CDK14: variants seen among roughly 807,000 people sequenced by gnomAD.
CDK14 encodes cyclin dependent kinase 14.
Under a neutral mutation model 60.7 loss-of-function variants are expected in CDK14, and 34 were observed. The observed-to-expected ratio is 0.56, with a 90% CI of 0.43 to 0.75. CDK14 has a LOEUF of 0.75. CDK14 is among the 30% of genes least tolerant of loss of function. The pLI, the probability that CDK14 is intolerant of heterozygous loss-of-function variation, is 0.00. For missense variants in CDK14, 482 were observed against 564.1 expected (o/e 0.85, Z 1.47); for synonymous variants, 197 against 203.7 (o/e 0.97, Z 0.28).
chr7:91,023,669 T>G (rs1462471119), intron 10 of CDK14, among the ~76,000 whole-genome samples: 1 of 152,220 alleles, frequency 6.6e-6, no homozygotes, highest in East Asian at 1.9e-4. Context: ...AGCATTTTTA[T>G]GCATTATTTC....
intron 2 of CDK14, chr7:90,710,409 A>G (rs1802017518): frequency 3.0e-6 from 3 of 985,258 alleles, no homozygotes; most frequent in Non-Finnish European, 3.6e-6. Flanking sequence ...CATTTGAGTA[A>G]ACTGATGTCC....
intron 14 of CDK14, among the ~76,000 whole-genome samples, chr7:91,174,824 C>T (rs1469390086): frequency 1.4e-5 from 1 of 71,058 alleles, no homozygotes; most frequent in Non-Finnish European, 2.5e-5. Context: ...ACCAAATCTA[C>T]GTCTGATTGG....
chr7:90,772,659 G>A (rs559681450), intron 4 of CDK14, among the ~76,000 whole-genome samples: 3 of 152,148 alleles, frequency 2.0e-5, no homozygotes, highest in Non-Finnish European at 1.5e-5. Flanking sequence ...ATGATTGTAA[G>A]TTTCTTGAGG....
Position 91,100,905 on chromosome 7 carries a change from C to T in CDK14, c.1155-11637C>T, listed in dbSNP as rs553757932. Among the ~76,000 whole-genome samples, 83 of 152,310 alleles carry T rather than the reference C, an allele frequency of 5.4e-4. 1 individual carries two copies. In the South Asian group the frequency reaches 0.015, roughly 27 times the overall value. On this transcript the variant is annotated intron_variant, in intron 12 of 14. Transcript: ENST00000380050. ...AGATCCTGCTGAGGGCTCTTCAACA[C>T]TTTCTGTACTTTTCCATCAGGTAGA...
chr7:91,028,851 T>A (rs1796678393), intron 10 of CDK14, among the ~76,000 whole-genome samples: 1 of 152,186 alleles, frequency 6.6e-6, no homozygotes, highest in Non-Finnish European at 1.5e-5. Flanking sequence ...ATTAGTCCTT[T>A]GTTGGATGTA....
rs1363182908 is a variant in CDK14 at position 90,596,541 on chromosome 7, C to CGCT, written c.-86_-84dup. 1 of 1,150,196 alleles carries CGCT rather than the reference C, an allele frequency of 8.7e-7. No individual in the cohort carries two copies. The highest frequency in any genetic ancestry group is 1.5e-5 in the African/African-American group (1 of 64,926). 71.2% of individuals were successfully genotyped at this position (1,150,196 alleles called of 1,614,324 possible). ...GAGGAGGTGGTGGAGGAGGAGGCGC[C>CGCT]GCTTTCCCCGCGGCGCGCGCCCTCG... On this transcript the variant is annotated 5_prime_UTR_variant, in exon 1 of 15. Coordinates refer to ENST00000380050, the MANE Select transcript of CDK14 (RefSeq NM_001287135.2).
rs1265205428 is a variant in CDK14 at position 90,929,051 on chromosome 7, G to A, written c.826+11327G>A. On this transcript the variant is annotated intron_variant, in intron 8 of 14. Transcript: ENST00000380050. ...GCAGGATGTAATCTCCTGGTGTGCC[G>A]TTTGCTAATTCCATTGGAACAGCAC... is the stretch of plus-strand genomic sequence containing the variant. Among the ~76,000 whole-genome samples the A allele has an allele frequency of 5.9e-5, 9 of 152,206 alleles. No individual in the cohort carries two copies. In the East Asian group the frequency reaches 1.5e-3, roughly 26 times the overall value.
intron 2 of CDK14, among the ~76,000 whole-genome samples, chr7:90,662,312 T>A (rs929401420): frequency 9.2e-5 from 14 of 152,164 alleles, no homozygotes; most frequent in African/African-American, 3.4e-4. Context: ...CCATGGGTGA[T>A]AAGAAGTGAA....
chr7:91,031,311 A>G (rs1419185042), intron 10 of CDK14, among the ~76,000 whole-genome samples: 1 of 152,160 alleles, frequency 6.6e-6, no homozygotes, highest in East Asian at 1.9e-4. Context: ...AGAAACCCAT[A>G]AACAATGCAA....
chr7:90,688,750 A>G (rs2116580310), intron 2 of CDK14, among the ~76,000 whole-genome samples: 1 of 152,326 alleles, frequency 6.6e-6, no homozygotes, highest in South Asian at 2.1e-4. Context: ...TAGAGCAGGC[A>G]CTATAATCTC....
At chr7:91,124,872 T>C (rs1799894616) in intron 14 of CDK14, among the ~76,000 whole-genome samples, 1 of 152,206 alleles carries the variant, frequency 6.6e-6, no homozygotes, top group East Asian at 1.9e-4. Flanking sequence ...TCAGGTGCTG[T>C]ATTTTTCCTT....
chr7:91,001,394 C>T (rs373762563), intron 10 of CDK14, among the ~76,000 whole-genome samples: 3 of 151,996 alleles, frequency 2.0e-5, no homozygotes, highest in Non-Finnish European at 2.9e-5. Flanking sequence ...AGCAGCCTGT[C>T]GCTTCAGATG....
chr7:91,011,399 CAATTT>C lies in CDK14; in HGVS notation c.1041+27163_1041+27167del, dbSNP rs1018117111. Among the ~76,000 whole-genome samples the C allele has an allele frequency of 4.4e-4, 67 of 152,050 alleles. 1 individual carries two copies. Among genetic ancestry groups the C allele is most frequent in the African/African-American group, 1.6e-3 (65 of 41,418 alleles). On this transcript the variant is annotated intron_variant, in intron 10 of 14. Coordinates refer to ENST00000380050, the MANE Select transcript of CDK14 (RefSeq NM_001287135.2). ...TATTCTCTTTATCACTGGTTTTAAG[CAATTT>C]AATTATAATGCATTTTGGTGTGCTT... is the stretch of plus-strand genomic sequence containing the variant.
intron 9 of CDK14, among the ~76,000 whole-genome samples, chr7:90,966,185 T>G (rs62468481): frequency 0.041 from 6,182 of 152,326 alleles, 152 homozygotes; most frequent in South Asian, 0.071. Context: ...TTTTTTAAAG[T>G]CTTTTATATA....
chr7:90,600,360 A>C (rs1799289214), intron 1 of CDK14, among the ~76,000 whole-genome samples: 1 of 152,188 alleles, frequency 6.6e-6, no homozygotes, highest in Non-Finnish European at 1.5e-5. Context: ...TAGAAGGAGA[A>C]AGGCTTTATG....
chr7:91,135,743 C>G (rs1283838837), intron 14 of CDK14, among the ~76,000 whole-genome samples: 2 of 152,116 alleles, frequency 1.3e-5, no homozygotes, highest in African/African-American at 4.8e-5. Context: ...TGAAGATCTT[C>G]TAAACCCAAA....
intron 5 of CDK14, chr7:90,824,781 G>A (rs1302061093): frequency 6.6e-6 from 1 of 152,112 alleles, no homozygotes; most frequent in Admixed American, 6.5e-5. Context: ...AGTTATTTTT[G>A]TTAATAGTTC....
At chr7:90,690,022 A>G (rs569043842) in intron 2 of CDK14, among the ~76,000 whole-genome samples, 25 of 152,284 alleles carry the variant, frequency 1.6e-4, no homozygotes, top group African/African-American at 5.5e-4. Context: ...TTGATGCTCA[A>G]ACTTACATTT....
chr7:90,607,732 A>C lies in CDK14; in HGVS notation c.123+3483A>C, dbSNP rs1370140879. 2.0e-5 allele frequency among the ~76,000 whole-genome samples: 3 copies of C among 152,196 alleles called. No individual in the cohort carries two copies. In the East Asian group the frequency reaches 5.8e-4, roughly 29 times the overall value. On this transcript the variant is annotated intron_variant, in intron 2 of 14. Transcript: ENST00000380050. The stretch of plus-strand genomic sequence containing the variant: ...TAAGCAAACAATAGGAATTTTGCTG[A>C]AGGCGGTCATAGTTGGAGAGGGGAC...
Sources: allele counts gnomAD v4.1 joint callset (sites outside exome capture counted in the v4.1 genomes callset), GRCh38; gene constraint gnomAD v4.1.1; transcripts MANE v1.5; gene names NCBI Gene and HGNC (gene_info 2026-07-23, HGNC 2026-07-21).